Variants in CDKL3 observed in about 807,000 individuals in gnomAD.
CDKL3 encodes the protein cyclin-dependent kinase-like 3.
CDKL3 carries 65 observed loss-of-function variants against 69.3 expected under a neutral mutation model. The observed-to-expected ratio is 0.94, with a 90% confidence interval of 0.77 to 1.15. CDKL3 has a LOEUF of 1.15. CDKL3 is among the 50% of genes most tolerant of loss of function. CDKL3 has a pLI of 0.00. For synonymous variants in CDKL3, 202 were observed against 221.6 expected (o/e 0.91, Z 0.79); for missense variants, 652 against 689.2 (o/e 0.95, Z 0.61).
At chr5:134,331,954 A>C (rs1775908238) in intron 4 of CDKL3, among the ~76,000 whole-genome samples, 1 of 152,170 alleles carries the variant, frequency 6.6e-6, no homozygotes, top group African/African-American at 2.4e-5. Context: ...CCTCTCCAGC[A>C]TCTGTTGTTT....
At chr5:134,370,158 G>A (rs975273608), upstream of CDKL3, among the ~76,000 whole-genome samples, 1 of 152,184 alleles carries the variant, frequency 6.6e-6, no homozygotes, top group African/African-American at 2.4e-5. Context: ...CAAGGCTGAG[G>A]CAATGTTAAG....
At chr5:134,361,896 C>T (rs1756119735) in intron 2 of CDKL3, among the ~76,000 whole-genome samples, 1 of 152,150 alleles carries the variant, frequency 6.6e-6, no homozygotes, top group Non-Finnish European at 1.5e-5. Flanking sequence ...AAGAGTGAAA[C>T]TCCGTCTCAA....
rs535026122 is a variant in CDKL3, at chr5:134,309,791, G to A, written c.882-1064C>T. On this transcript the variant is annotated intron_variant, in intron 7 of 12. Transcript: ENST00000265334. ...TAAATGTCCAAGAAAAATAAACTTC[G>A]TCTGTGTAGAAGTGATATGAAGCAA... Among the ~76,000 whole-genome samples, 4 of 152,256 alleles carry A rather than the reference G, an allele frequency of 2.6e-5. No individual in the cohort carries two copies. In the East Asian group the frequency reaches 5.8e-4, roughly 22 times the overall value.
chr5:134,324,404 A>G (rs10045035), intron 4 of CDKL3, among the ~76,000 whole-genome samples: 1,690 of 152,334 alleles, frequency 0.011, 39 homozygotes, highest in African/African-American at 0.039. Flanking sequence ...AATGCTTATA[A>G]CAGCTTGCTT....
chr5:134,328,284 G>A (rs1347934218), intron 4 of CDKL3, among the ~76,000 whole-genome samples: 21 of 152,160 alleles, frequency 1.4e-4, no homozygotes, highest in Admixed American at 1.4e-3. Context: ...GTATGACAGT[G>A]TCACATCAAA....
At chr5:134,341,553 G>A (rs554854882) in intron 4 of CDKL3, among the ~76,000 whole-genome samples, 1 of 152,288 alleles carries the variant, frequency 6.6e-6, no homozygotes, top group East Asian at 1.9e-4. Context: ...CCTCAGTAAG[G>A]TTTTCCTTTT....
intron 9 of CDKL3, 48 bp from the exon 10 acceptor site, chr5:134,306,750 C>CTTT (rs11414446): frequency 0.047 from 10,634 of 224,408 alleles, 361 homozygotes; most frequent in South Asian, 0.066. Flanking sequence ...CCCAGAAATG[C>CTTT]TTTTTTTTTT....
At position 134,298,596 on chromosome 5, in the gene CDKL3, T is replaced by G; in HGVS notation, c.*55A>C. 1 of 1,593,620 alleles carries G rather than the reference T, an allele frequency of 6.3e-7. No individual in the cohort carries two copies. The highest frequency in any genetic ancestry group is 2.2e-5 in the East Asian group (1 of 44,664). On this transcript the variant is annotated 3_prime_UTR_variant, in exon 13 of 13. Coordinates refer to ENST00000265334, the MANE Select transcript of CDKL3 (RefSeq NM_001113575.2). ...ACATCACACTTCTATTGTAGATAAA[T>G]AAAACGGGAAGAGTTGTCATCTTGT...
At chr5:134,291,547 G>A (rs181844448) in intron 8 of CDKL3, among the ~76,000 whole-genome samples, 7 of 152,290 alleles carry the variant, frequency 4.6e-5, no homozygotes, top group Non-Finnish European at 1.0e-4. Context: ...GAGGCAGGCA[G>A]ATAGATCACC....
chr5:134,359,944 A>G lies in CDKL3; in HGVS notation c.313T>C (p.Tyr105His), dbSNP rs758742421. Residue 105 changes from tyrosine (Y) to histidine (H), a missense_variant, in exon 3 of 13, where the codon TAC (tyrosine) becomes CAC (histidine). Physicochemically the swap from Tyr to His is moderately conservative, Grantham distance 83. Coordinates refer to ENST00000265334, the MANE Select transcript of CDKL3 (RefSeq NM_001113575.2). ...ATTGCTCGAAGGATCTGGAAGAGGTATTTTCTAAGTCGCTTACTCTCTAGT... is the reference window on the plus strand; with the variant it reads ...ATTGCTCGAAGGATCTGGAAGAGGTGTTTTCTAAGTCGCTTACTCTCTAGT... Reference protein sequence around the residue: ...HGLESKRLRKYLFQILRAIDY... With the variant: ...HGLESKRLRKHLFQILRAIDY... 6.3e-7 allele frequency: 1 copy of G among 1,588,162 alleles called. No individual in the cohort carries two copies. The highest frequency in any genetic ancestry group is 2.3e-5 in the East Asian group (1 of 44,372).
intron 6 of CDKL3, among the ~76,000 whole-genome samples, chr5:134,318,336 T>C (rs1771744042): frequency 6.6e-6 from 1 of 152,154 alleles, no homozygotes; most frequent in Non-Finnish European, 1.5e-5. Flanking sequence ...GAAGGAATTT[T>C]GGCCTTGGTG....
At chr5:134,284,175 C>A (rs1357999730), downstream of CDKL3, among the ~76,000 whole-genome samples, 1 of 152,098 alleles carries the variant, frequency 6.6e-6, no homozygotes, top group African/African-American at 2.4e-5. Flanking sequence ...AACCAGCCCC[C>A]AATATTTCAA....
intron 12 of CDKL3, chr5:134,299,683 A>C (rs1396045944): frequency 6.5e-7 from 1 of 1,532,064 alleles, no homozygotes; most frequent in Non-Finnish European, 8.7e-7. Flanking sequence ...CTGAATTTTC[A>C]GCTGCTGCAT....
At chr5:134,344,163 G>C (rs528402088) in intron 4 of CDKL3, among the ~76,000 whole-genome samples, 1 of 152,274 alleles carries the variant, frequency 6.6e-6, no homozygotes, top group East Asian at 1.9e-4. Context: ...AAATGGATCA[G>C]ACTTGAATGT....
chr5:134,320,789 G>A (rs1487787454), intron 5 of CDKL3, among the ~76,000 whole-genome samples: 1 of 150,792 alleles, frequency 6.6e-6, no homozygotes, highest in Non-Finnish European at 1.5e-5. Flanking sequence ...CAGGAGAATG[G>A]CATGAACCCA....
At chr5:134,350,838 A>G (rs922365389) in intron 3 of CDKL3, among the ~76,000 whole-genome samples, 1 of 150,166 alleles carries the variant, frequency 6.7e-6, no homozygotes, top group Non-Finnish European at 1.5e-5. Flanking sequence ...AAAGAAAAAA[A>G]AAAAAAGAAA....
At chr5:134,332,520 A>T (rs953290035) in intron 4 of CDKL3, among the ~76,000 whole-genome samples, 14 of 152,324 alleles carry the variant, frequency 9.2e-5, no homozygotes, top group Admixed American at 9.1e-4. Context: ...GTGGCTAACC[A>T]GTTTTCCCAG....
chr5:134,331,354 G>A (rs1210771978), intron 4 of CDKL3, among the ~76,000 whole-genome samples: 1 of 151,916 alleles, frequency 6.6e-6, no homozygotes, highest in Non-Finnish European at 1.5e-5. Flanking sequence ...TGTGTAAAAT[G>A]TGCAGGTTTG....
intron 3 of CDKL3, among the ~76,000 whole-genome samples, chr5:134,352,052 C>G (rs1753431456): frequency 6.6e-6 from 1 of 152,088 alleles, no homozygotes; most frequent in Non-Finnish European, 1.5e-5. Context: ...CAACCACCCC[C>G]ACTCTAGCCC....
Sources: allele counts gnomAD v4.1 joint callset (sites outside exome capture counted in the v4.1 genomes callset), GRCh38; gene constraint gnomAD v4.1.1; transcripts MANE v1.5; gene names NCBI Gene and HGNC (gene_info 2026-07-23, HGNC 2026-07-21).